Variants in TTLL5 observed in about 807,000 individuals in gnomAD.
TTLL5 encodes tubulin polyglutamylase TTLL5.
A neutral mutation model predicts 168.4 loss-of-function variants in TTLL5; 132 were observed. That is an observed-to-expected ratio of 0.78 (90% CI 0.68 to 0.91). The LOEUF (loss-of-function observed/expected upper bound fraction) is 0.91, where lower values mean the gene tolerates loss of function less well. Among genes scored for constraint, TTLL5 ranks in the 40% least tolerant of loss-of-function variants. TTLL5 has a pLI of 0.00. For missense variants in TTLL5, 1,545 were observed against 1,581.5 expected, an observed-to-expected ratio of 0.98 and a Z score of 0.39; for synonymous variants, 546 against 558.6, an observed-to-expected ratio of 0.98 and a Z score of 0.32.
At chr14:75,878,316 C>T (rs1164653465) in intron 29 of TTLL5, among the ~76,000 whole-genome samples, 1 of 152,198 alleles carries the variant, frequency 6.6e-6, no homozygotes, top group Non-Finnish European at 1.5e-5. Flanking sequence ...TAGGCTCTTG[C>T]AGACTTCATG....
chr14:75,691,241 T>C (rs974070112), intron 6 of TTLL5, among the ~76,000 whole-genome samples: 4 of 152,178 alleles, frequency 2.6e-5, no homozygotes, highest in Admixed American at 6.5e-5. Context: ...GGGCTTCTTA[T>C]TTATTTTGCA....
At chr14:75,689,601 C>T (rs1030185391) in intron 5 of TTLL5, 12 of 152,206 alleles carry the variant, frequency 7.9e-5, no homozygotes, top group African/African-American at 1.4e-4. Flanking sequence ...ATGCCTTCAA[C>T]TGGTGAATGG....
intron 28 of TTLL5, among the ~76,000 whole-genome samples, chr14:75,854,878 A>G (rs892263838): frequency 1.3e-5 from 2 of 152,104 alleles, no homozygotes; most frequent in African/African-American, 4.8e-5. Context: ...CCAATAGGGC[A>G]TTTTTATATT....
At chr14:75,778,737 C>CA (rs1455231744) in intron 23 of TTLL5, among the ~76,000 whole-genome samples, 12 of 152,300 alleles carry the variant, frequency 7.9e-5, no homozygotes, top group Admixed American at 7.8e-4. Context: ...GAAGCTGCTA[C>CA]AGATGTTAAA....
At chr14:75,857,381 TTAGA>T (rs75729746) in intron 28 of TTLL5, among the ~76,000 whole-genome samples, 15,415 of 149,816 alleles carry the variant, frequency 0.1, 865 homozygotes, top group Non-Finnish European at 0.13. Context: ...GGTTGGTTGA[TTAGA>T]TAGATAGATA....
intron 30 of TTLL5, among the ~76,000 whole-genome samples, chr14:75,895,055 C>T (rs1028853795): frequency 6.6e-6 from 1 of 152,088 alleles, no homozygotes; most frequent in African/African-American, 2.4e-5. Flanking sequence ...TAACATTTTG[C>T]TTTAATAAGT....
At chr14:75,880,275 T>C (rs1246700040) in intron 29 of TTLL5, among the ~76,000 whole-genome samples, 1 of 152,262 alleles carries the variant, frequency 6.6e-6, no homozygotes, top group African/African-American at 2.4e-5. Flanking sequence ...TTATTTCATT[T>C]GTATTTACAT....
intron 28 of TTLL5, among the ~76,000 whole-genome samples, chr14:75,855,810 A>G (rs1897098607): frequency 6.6e-6 from 1 of 152,246 alleles, no homozygotes; most frequent in South Asian, 2.1e-4. Flanking sequence ...TACTTAAAAC[A>G]CATACACACA....
chr14:75,950,998 T>A (rs890429020), intron 31 of TTLL5, among the ~76,000 whole-genome samples: 9 of 151,756 alleles, frequency 5.9e-5, no homozygotes, highest in African/African-American at 1.9e-4. Context: ...TTTTTGTTTT[T>A]AATCCATCCT....
rs114646000 is a variant in TTLL5, at chr14:75,734,237, C to T, written c.1186+187C>T. The stretch of plus-strand genomic sequence containing the variant: ...CACTTGGCTCCATCCTGTCCTGAGG[C>T]TGAACCACAACTAAGGCTGAGACCT... On this transcript the variant is annotated intron_variant, in intron 14 of 31. Transcript: ENST00000298832. 1.5e-3 allele frequency among the ~76,000 whole-genome samples: 230 copies of T among 152,330 alleles called. 2 individuals are homozygous for T. The highest frequency in any genetic ancestry group is 5.2e-3 in the African/African-American group (218 of 41,574).
At position 75,902,203 on chromosome 14, in the gene TTLL5, G is replaced by A; in HGVS notation, c.3802G>A (p.Val1268Met). Residue 1268 changes from valine to methionine, a missense_variant, in exon 31 of 32, where the codon GTG becomes ATG. Physicochemically the swap from Val to Met is conservative, Grantham distance 21. Coordinates refer to ENST00000298832, the MANE Select transcript of TTLL5 (RefSeq NM_015072.5). The part of the protein sequence containing the change: ...LQSSLNPAAF[V>M]PITSSTDPAH... ...GAGCAGCCTTAACCCTGCAGCCTTT[G>A]TGCCCATCACCAGCTCTACAGGTTA... The A allele has an allele frequency of 6.2e-7, 1 of 1,614,158 alleles. No individual in the cohort carries two copies. Among genetic ancestry groups the A allele is most frequent in the Non-Finnish European group, 8.5e-7 (1 of 1,180,024 alleles).
Position 75,669,533 on chromosome 14 carries a change from C to A in TTLL5, c.181+11C>A. 1 of 1,611,454 alleles carries A rather than the reference C, an allele frequency of 6.2e-7. No individual in the cohort carries two copies. The highest frequency in any genetic ancestry group is 1.1e-5 in the South Asian group (1 of 90,970). On this transcript the variant is annotated intron_variant, in intron 3 of 31. Coordinates refer to ENST00000298832, the MANE Select transcript of TTLL5 (RefSeq NM_015072.5). ...TTAGAGTAATTGGAGGTGCGTATAACCTCTCCCACAGAGGACGGAGCTGGG... is the reference window on the plus strand; with the variant it reads ...TTAGAGTAATTGGAGGTGCGTATAAACTCTCCCACAGAGGACGGAGCTGGG...
At chr14:75,870,601 T>A (rs140657084) in intron 29 of TTLL5, among the ~76,000 whole-genome samples, 153 of 152,298 alleles carry the variant, frequency 1.0e-3, no homozygotes, top group African/African-American at 3.4e-3. Context: ...TGTTACTAAT[T>A]CCTGTGTTAT....
chr14:75,739,719 C>A (rs1278383118), intron 15 of TTLL5, among the ~76,000 whole-genome samples: 2 of 152,104 alleles, frequency 1.3e-5, no homozygotes, highest in Admixed American at 6.5e-5. Flanking sequence ...AGGCTCAATT[C>A]CCACATCTGT....
chr14:75,800,670 G>A (rs1893246743), intron 27 of TTLL5, among the ~76,000 whole-genome samples: 2 of 152,140 alleles, frequency 1.3e-5, no homozygotes, highest in Admixed American at 1.3e-4. Context: ...TCCTTGATGT[G>A]GTGTTCTCTT....
chr14:75,846,267 T>C (rs984179070), intron 28 of TTLL5, among the ~76,000 whole-genome samples: 3 of 152,156 alleles, frequency 2.0e-5, no homozygotes, highest in African/African-American at 7.2e-5. Context: ...AATGGTTGTT[T>C]TAGTTGGTGG....
At position 75,914,870 on chromosome 14, in the gene TTLL5, A is replaced by T. The variant is rs528055531; in HGVS notation, c.3823+12646A>T. Among the ~76,000 whole-genome samples, 7 of 152,074 alleles carry T rather than the reference A, an allele frequency of 4.6e-5. No homozygotes were observed. In the East Asian group the frequency reaches 1.4e-3, roughly 29 times the overall value. ...GATCTCCTGACCTCGTGATCCGCCC[A>T]CCTTGGCCTCCCAAAGTGCTGGGAT... On this transcript the variant is annotated intron_variant, in intron 31 of 31. Transcript: ENST00000298832.
chr14:75,883,497 G>A (rs948869456), intron 30 of TTLL5, among the ~76,000 whole-genome samples: 8 of 152,348 alleles, frequency 5.3e-5, no homozygotes, highest in Admixed American at 4.6e-4. Context: ...ATGTCTGGAA[G>A]AGGCACGCAT....
rs748969546 is a variant in TTLL5, at chr14:75,783,240, A to G, written c.2696A>G (p.His899Arg). 3 of 1,614,086 alleles carry G rather than the reference A, an allele frequency of 1.9e-6. No homozygotes were observed. The highest frequency in any genetic ancestry group is 1.1e-5 in the South Asian group (1 of 91,080). ...ACTCTGCAGAAAATTCCCAACACCCATTTGTCATCTGTTACAACCTCTGAC... is the reference window on the plus strand; with the variant it reads ...ACTCTGCAGAAAATTCCCAACACCCGTTTGTCATCTGTTACAACCTCTGAC... The part of the protein sequence containing the change: ...TATLQKIPNT[H>R]LSSVTTSDLS... The change falls in exon 26 of 32, where the codon CAT becomes CGT. Residue 899 changes from histidine to arginine, a missense_variant. His to Arg is a conservative substitution (Grantham distance 29). Transcript: ENST00000298832.
Sources: allele counts gnomAD v4.1 joint callset (sites outside exome capture counted in the v4.1 genomes callset), GRCh38; gene constraint gnomAD v4.1.1; transcripts MANE v1.5; gene names NCBI Gene and HGNC (gene_info 2026-07-23, HGNC 2026-07-21).